The following DPP10 variants were observed in gnomAD, a reference collection of about 807,000 sequenced individuals.
The protein encoded by DPP10 is inactive dipeptidyl peptidase 10.
In DPP10, 33 loss-of-function variants were observed where a neutral mutation model predicts 120.9. The observed-to-expected ratio is 0.27, with a 90% confidence interval of 0.21 to 0.37. DPP10 has a LOEUF of 0.37. Ranked by LOEUF, DPP10 falls within the 10% of genes least tolerant of loss-of-function variation. The pLI is 1.00. For synonymous variants in DPP10, 337 were observed against 326.1 expected (o/e 1.03, Z -0.36); for missense variants, 816 against 942.8 (o/e 0.87, Z 1.76).
At chr2:114,962,755 C>G (rs985073808) in intron 1 of DPP10, among the ~76,000 whole-genome samples, 1 of 152,078 alleles carries the variant, frequency 6.6e-6, no homozygotes, top group Admixed American at 6.6e-5. Context: ...AAATGTGGAG[C>G]GAAAGGGTTG....
intron 1 of DPP10, among the ~76,000 whole-genome samples, chr2:114,689,074 T>C (rs574511988): frequency 6.6e-6 from 1 of 151,980 alleles, no homozygotes; most frequent in South Asian, 2.1e-4. Context: ...AGTTTTTTTT[T>C]CTTCAACTGT....
intron 1 of DPP10, among the ~76,000 whole-genome samples, chr2:114,893,942 A>G (rs1480625038): frequency 6.6e-6 from 1 of 152,122 alleles, no homozygotes; most frequent in African/African-American, 2.4e-5. Context: ...ACTTCCTGCC[A>G]CCTAAGAATC....
chr2:114,485,848 G>A (rs1015762591), intron 1 of DPP10, among the ~76,000 whole-genome samples: 2 of 152,058 alleles, frequency 1.3e-5, no homozygotes, highest in Non-Finnish European at 2.9e-5. Context: ...TCCACCAAGG[G>A]AAAGCATATA....
At chr2:115,816,971 A>T (rs114529729) in intron 21 of DPP10, among the ~76,000 whole-genome samples, 1,949 of 145,934 alleles carry the variant, frequency 0.013, 46 homozygotes, top group African/African-American at 0.043. Flanking sequence ...TAAAAAGGCC[A>T]GGCGCGGTGG....
intron 1 of DPP10, among the ~76,000 whole-genome samples, chr2:114,665,465 A>G (rs1049553959): frequency 4.6e-5 from 7 of 152,124 alleles, no homozygotes; most frequent in Non-Finnish European, 8.8e-5. Flanking sequence ...CACGACATGA[A>G]GCTGCTGTGT....
chr2:114,784,227 C>T (rs1682577250), intron 1 of DPP10, among the ~76,000 whole-genome samples: 1 of 152,078 alleles, frequency 6.6e-6, no homozygotes, highest in Admixed American at 6.6e-5. Flanking sequence ...TCATTTTTGA[C>T]TCCCTCAGCT....
intron 1 of DPP10, among the ~76,000 whole-genome samples, chr2:114,662,560 A>C (rs1371799940): frequency 2.6e-5 from 4 of 151,902 alleles, no homozygotes; most frequent in Admixed American, 6.5e-5. Context: ...GAAATGAAGA[A>C]AGACACTTCC....
chr2:115,387,090 G>T (rs563914341), intron 3 of DPP10, among the ~76,000 whole-genome samples: 1 of 152,108 alleles, frequency 6.6e-6, no homozygotes, highest in African/African-American at 2.4e-5. Context: ...TGAGATCTCT[G>T]CAGGTCCTGG....
rs188643434 is a variant in DPP10, at chr2:114,999,575, G to C, written c.61-309664G>C. Among the ~76,000 whole-genome samples the C allele has an allele frequency of 4.6e-5, 7 of 152,122 alleles. No homozygotes were observed. The East Asian group carries it at 1.4e-3, about 29-fold the overall frequency. On this transcript the variant is annotated intron_variant, in intron 1 of 25. Transcript: ENST00000410059. ...TGCATTAAAAATGTTCTCTTTCCTT[G>C]CTCACCTCCTGTCCTTTCTTATCTT...
At chr2:114,671,152 T>C (rs1209435336) in intron 1 of DPP10, among the ~76,000 whole-genome samples, 1 of 152,128 alleles carries the variant, frequency 6.6e-6, no homozygotes, top group African/African-American at 2.4e-5. Flanking sequence ...TAAAATAACT[T>C]TCAGTTGGGA....
chr2:115,162,172 C>T, intron 1 of DPP10: 2 of 1,545,390 alleles, frequency 1.3e-6, no homozygotes, highest in South Asian at 1.2e-5. Context: ...GGCTCTCCTG[C>T]TTCTCCACGG....
intron 1 of DPP10, among the ~76,000 whole-genome samples, chr2:114,678,366 A>G (rs748240663): frequency 3.9e-5 from 6 of 151,920 alleles, no homozygotes; most frequent in Non-Finnish European, 7.4e-5. Context: ...CTAACCCTAT[A>G]TTTCCATAGG....
intron 3 of DPP10, among the ~76,000 whole-genome samples, chr2:115,428,496 A>G (rs755963347): frequency 2.6e-5 from 4 of 152,252 alleles, no homozygotes; most frequent in East Asian, 1.9e-4. Flanking sequence ...TACTCATGGC[A>G]GAAGGTGAAG....
At chr2:115,509,565 C>A (rs889716581) in intron 4 of DPP10, among the ~76,000 whole-genome samples, 1 of 152,006 alleles carries the variant, frequency 6.6e-6, no homozygotes, top group Non-Finnish European at 1.5e-5. Context: ...GAAAAATGAA[C>A]CTTTAAGTTA....
At chr2:115,158,671 C>T (rs72953499) in intron 1 of DPP10, among the ~76,000 whole-genome samples, 6,005 of 152,204 alleles carry the variant, frequency 0.039, 153 homozygotes, top group African/African-American at 0.07. Flanking sequence ...CTGATTTCTT[C>T]CCATGAAAAG....
At chr2:114,853,458 G>A (rs1051679225) in intron 1 of DPP10, among the ~76,000 whole-genome samples, 4 of 151,686 alleles carry the variant, frequency 2.6e-5, no homozygotes, top group Non-Finnish European at 4.4e-5. Flanking sequence ...AAAATTTGAG[G>A]CCCACCGAAG....
chr2:115,003,298 G>C (rs536754683), intron 1 of DPP10, among the ~76,000 whole-genome samples: 1 of 151,912 alleles, frequency 6.6e-6, no homozygotes, highest in Non-Finnish European at 1.5e-5. Flanking sequence ...TCTCACTTAT[G>C]GGAACTAATA....
chr2:114,601,690 C>A (rs1166061342), intron 1 of DPP10, among the ~76,000 whole-genome samples: 1 of 151,926 alleles, frequency 6.6e-6, no homozygotes, highest in East Asian at 1.9e-4. Flanking sequence ...AAGCTCTTGG[C>A]TATGTTACAT....
In DPP10 at chr2:115,788,842, C is replaced by T. The variant is rs535868656; in HGVS notation, c.1532-2239C>T. On this transcript the variant is annotated intron_variant, in intron 17 of 25. Coordinates refer to ENST00000410059, the MANE Select transcript of DPP10 (RefSeq NM_020868.6). ...TTTTAAAAATATAAGGCAGGCCAGGCGCGGTGGCTCACGCCTGTAATCCCA... is the reference window on the plus strand; with the variant it reads ...TTTTAAAAATATAAGGCAGGCCAGGTGCGGTGGCTCACGCCTGTAATCCCA... 3.4e-4 allele frequency among the ~76,000 whole-genome samples: 52 copies of T among 152,212 alleles called. 1 individual carries two copies. The South Asian group carries it at 8.7e-3, about 26-fold the overall frequency.
Sources: allele counts gnomAD v4.1 joint callset (sites outside exome capture counted in the v4.1 genomes callset), GRCh38; gene constraint gnomAD v4.1.1; transcripts MANE v1.5; gene names NCBI Gene and HGNC (gene_info 2026-07-23, HGNC 2026-07-21).